LRRIQ1: variants seen among roughly 807,000 people sequenced by gnomAD.
The protein encoded by LRRIQ1 is leucine-rich repeat- and IQ domain-containing protein 1.
Under a neutral mutation model 211.9 loss-of-function variants are expected in LRRIQ1, and 210 were observed. The ratio of observed to expected loss-of-function variants is 0.99; its 90% CI spans 0.89 to 1.11. LRRIQ1 has a LOEUF of 1.11. Ranked by LOEUF, LRRIQ1 falls within the 50% of genes most tolerant of loss-of-function variation. The probability of loss-of-function intolerance (pLI) is 0.00; values close to 1 mark genes in which losing one functional copy is unlikely to be tolerated. For synonymous variants in LRRIQ1, 699 were observed against 650.1 expected, an observed-to-expected ratio of 1.08 and a Z score of -1.14; for missense variants, 2,136 against 1,939.5, an observed-to-expected ratio of 1.10 and a Z score of -1.90.
At chr12:85,042,240 CCTAAT>C (rs746385799) in intron 3 of LRRIQ1, among the ~76,000 whole-genome samples, 14 of 151,532 alleles carry the variant, frequency 9.2e-5, no homozygotes, top group African/African-American at 2.7e-4. Context: ...ATAACTCTAA[CCTAAT>C]CTAATCTAAT....
At chr12:85,228,966 T>G (rs1225883827) in intron 24 of LRRIQ1, among the ~76,000 whole-genome samples, 2 of 152,116 alleles carry the variant, frequency 1.3e-5, no homozygotes, top group Non-Finnish European at 2.9e-5. Context: ...AATGGAGCAG[T>G]CTAAAAGATC....
intron 20 of LRRIQ1, 118 bp downstream of exon 20, chr12:85,152,487 G>A: frequency 1.6e-6 from 1 of 633,652 alleles, no homozygotes; most frequent in Non-Finnish European, 2.5e-6. Context: ...ACTTTTAGAA[G>A]CCTCTGACTT....
chr12:85,065,325 A>G lies in LRRIQ1; in HGVS notation c.2455A>G (p.Asn819Asp), dbSNP rs147279253. Reference sequence around the variant, plus strand: ...TCTCTCCACACTGGCAGAGTGTACAAATCTTCAGTTTCTATCCCTTCGACG... The same window carrying G: ...TCTCTCCACACTGGCAGAGTGTACAGATCTTCAGTTTCTATCCCTTCGACG... ...CVLSTLAECT[N>D]LQFLSLRRCG... is the part of the protein sequence containing the mutation. The change falls in exon 9 of 27, where the codon AAT (asparagine) becomes GAT (aspartate). Residue 819 changes from asparagine (N) to aspartate (D), a missense_variant. Transcript: ENST00000393217. The G allele has an allele frequency of 3.6e-5, 58 of 1,611,102 alleles. No individual in the cohort carries two copies. The African/African-American group carries it at 4.4e-4, about 12-fold the overall frequency.
chr12:85,228,521 A>G (rs1894779579), intron 24 of LRRIQ1, among the ~76,000 whole-genome samples: 1 of 152,208 alleles, frequency 6.6e-6, no homozygotes, highest in South Asian at 2.1e-4. Flanking sequence ...TTAGATACCC[A>G]AAGCATCCAG....
chr12:85,079,022 T>C (rs1883981104), intron 11 of LRRIQ1, among the ~76,000 whole-genome samples: 1 of 152,126 alleles, frequency 6.6e-6, no homozygotes, highest in Non-Finnish European at 1.5e-5. Flanking sequence ...TGGGTTCTCA[T>C]ATTTGCCTCT....
At chr12:85,197,730 A>G (rs1893004726) in intron 24 of LRRIQ1, among the ~76,000 whole-genome samples, 1 of 151,314 alleles carries the variant, frequency 6.6e-6, no homozygotes, top group South Asian at 2.1e-4. Flanking sequence ...CTAATGCTAG[A>G]TGACGAGTTA....
intron 26 of LRRIQ1, among the ~76,000 whole-genome samples, chr12:85,240,701 A>G (rs1336161706): frequency 6.6e-6 from 1 of 152,180 alleles, no homozygotes; most frequent in African/African-American, 2.4e-5. Context: ...CTGTTGACAT[A>G]TACAAATATT....
At position 85,056,413 on chromosome 12, in the gene LRRIQ1, C is replaced by G; in HGVS notation, c.1620C>G (p.Ile540Met). 2 of 1,587,272 alleles carry G rather than the reference C, an allele frequency of 1.3e-6. No individual in the cohort carries two copies. Among genetic ancestry groups the G allele is most frequent in the Non-Finnish European group, 1.7e-6 (2 of 1,172,874 alleles). ...CTGATGCACAAAAAGAAGAAAAAAT[C>G]ATGAAACATGTCATAAATGAGAATA... The part of the protein sequence containing the change: ...LKSDAQKEEK[I>M]MKHVINENTG... Residue 540 changes from isoleucine to methionine, a missense_variant, in exon 8 of 27, where the codon ATC becomes ATG. Transcript: ENST00000393217.
intron 19 of LRRIQ1, among the ~76,000 whole-genome samples, chr12:85,144,756 GTTA>G (rs1475923323): frequency 1.3e-5 from 2 of 151,546 alleles, no homozygotes; most frequent in Non-Finnish European, 3.0e-5. Context: ...GTGATAGAAT[GTTA>G]TTATTGGGTT....
At chr12:85,195,301 G>A (rs893240977) in intron 24 of LRRIQ1, among the ~76,000 whole-genome samples, 10 of 151,784 alleles carry the variant, frequency 6.6e-5, no homozygotes, top group Non-Finnish European at 1.2e-4. Context: ...GAAAAAGAGG[G>A]AATCCTCCCT....
intron 24 of LRRIQ1, among the ~76,000 whole-genome samples, chr12:85,163,408 T>A (rs1265963824): frequency 6.6e-6 from 1 of 152,192 alleles, no homozygotes; most frequent in Non-Finnish European, 1.5e-5. Flanking sequence ...ATTGAATAAT[T>A]CCATGTGGAA....
chr12:85,229,022 TCTG>T (rs1171027026), intron 24 of LRRIQ1, among the ~76,000 whole-genome samples: 20 of 152,254 alleles, frequency 1.3e-4, no homozygotes, highest in Middle Eastern at 6.8e-3. Flanking sequence ...TCAGTGTAAC[TCTG>T]ATATGTATGA....
intron 24 of LRRIQ1, among the ~76,000 whole-genome samples, chr12:85,182,564 AAAAATT>A (rs1458218010): frequency 6.7e-6 from 1 of 150,052 alleles, no homozygotes; most frequent in African/African-American, 2.5e-5. Context: ...AAATGCTTTA[AAAAATT>A]ATATCATAAA....
At chr12:85,258,045 T>G (rs970348970) in intron 1 of LRRIQ1, among the ~76,000 whole-genome samples, 1 of 151,782 alleles carries the variant, frequency 6.6e-6, no homozygotes, top group Admixed American at 6.6e-5. Flanking sequence ...GCAAAATACA[T>G]GAGTTAAAAA....
intron 24 of LRRIQ1, among the ~76,000 whole-genome samples, chr12:85,217,498 ATATATATATATGTGTGTG>A (rs1308158257): frequency 3.6e-4 from 29 of 80,130 alleles, no homozygotes; most frequent in African/African-American, 2.1e-3. Flanking sequence ...ATATGTATAT[ATATATATATATGTGTGTG>A]TGTGTGTGTG....
chr12:85,135,354 T>C (rs901801636), intron 18 of LRRIQ1, among the ~76,000 whole-genome samples: 1 of 151,826 alleles, frequency 6.6e-6, no homozygotes, highest in Non-Finnish European at 1.5e-5. Context: ...GTGGTGGTTG[T>C]ATTACAAAAA....
At chr12:85,189,684 C>A (rs1247946122) in intron 24 of LRRIQ1, among the ~76,000 whole-genome samples, 1 of 150,248 alleles carries the variant, frequency 6.7e-6, no homozygotes, top group Non-Finnish European at 1.5e-5. Context: ...TTAGGTAATT[C>A]TTGACTGCAA....
intron 13 of LRRIQ1, among the ~76,000 whole-genome samples, chr12:85,102,962 ATATAT>A (rs1886494355): frequency 2.1e-5 from 2 of 95,878 alleles, no homozygotes; most frequent in East Asian, 3.3e-4. Context: ...AAAAAAAAAT[ATATAT>A]ATATATATAT....
rs1565834052 is a variant in LRRIQ1, at chr12:85,102,951, A to ATATATATAT, written c.3210-1053_3210-1052insTATATATAT. On this transcript the variant is annotated intron_variant, in intron 13 of 26. Coordinates refer to ENST00000393217, the MANE Select transcript of LRRIQ1 (RefSeq NM_001079910.2). ...AGGCTTTTCTAATTGTGGCAAAAAA[A>ATATATATAT]AAAAAAAAATATATATATATATATA... 1.2e-3 allele frequency among the ~76,000 whole-genome samples: 136 copies of ATATATATAT among 116,746 alleles called. 1 individual carries two copies. Among genetic ancestry groups the ATATATATAT allele is most frequent in the East Asian group, 6.0e-3 (20 of 3,338 alleles). 76.6% of individuals were successfully genotyped at this position (116,746 alleles called of 152,430 possible). A position where few individuals can be genotyped will look rare whatever the true frequency, so the allele number is the denominator to read the frequency against.
Sources: allele counts gnomAD v4.1 joint callset (sites outside exome capture counted in the v4.1 genomes callset), GRCh38; gene constraint gnomAD v4.1.1; transcripts MANE v1.5; gene names NCBI Gene and HGNC (gene_info 2026-07-23, HGNC 2026-07-21).